Variants in OCLN observed in about 807,000 individuals in gnomAD.
The protein encoded by OCLN is phosphatase 1, regulatory subunit 115.
A neutral mutation model predicts 47.9 loss-of-function variants in OCLN; 21 were observed. The ratio of observed to expected loss-of-function variants is 0.44; its 90% CI spans 0.31 to 0.63. OCLN has a LOEUF of 0.63. OCLN is among the 30% of genes least tolerant of loss of function. The pLI is 0.08. For synonymous variants in OCLN, 117 were observed against 198.4 expected (o/e 0.59, Z 3.45); for missense variants, 360 against 571.0 (o/e 0.63, Z 3.77).
chr5:69,536,244 G>C (rs1264096738), intron 5 of OCLN, among the ~76,000 whole-genome samples: 4 of 150,852 alleles, frequency 2.7e-5, no homozygotes, highest in African/African-American at 4.9e-5. Context: ...TGAAGGCCTA[G>C]GACATTACTG....
intron 2 of OCLN, among the ~76,000 whole-genome samples, chr5:69,504,626 A>G (rs766880938): frequency 7.2e-5 from 11 of 152,184 alleles, no homozygotes; most frequent in African/African-American, 1.2e-4. Flanking sequence ...TTGGGAACAT[A>G]TTGTCAGTTT....
At chr5:69,497,007 A>G (rs563372828) in intron 1 of OCLN, among the ~76,000 whole-genome samples, 110 of 152,292 alleles carry the variant, frequency 7.2e-4, no homozygotes, top group African/African-American at 2.6e-3. Context: ...TGTGCTGGGC[A>G]TTGGTCCTCT....
At chr5:69,504,156 A>T (rs893407856) in intron 1 of OCLN, 21 bp from the exon 2 acceptor site, 2 of 886,474 alleles carry the variant, frequency 2.3e-6, no homozygotes, top group African/African-American at 3.3e-5. Context: ...GTAATGCCAT[A>T]ACTCTACTTT....
At chr5:69,514,140 T>C (rs758214428) in intron 4 of OCLN, 31 bp downstream of exon 4, 2 of 1,591,488 alleles carry the variant, frequency 1.3e-6, no homozygotes, top group Non-Finnish European at 8.6e-7. Flanking sequence ...TTACATCTTT[T>C]ATTAAAGCCC....
chr5:69,493,664 G>C lies in OCLN; in HGVS notation c.-69+764G>C, dbSNP rs1483678026. The stretch of plus-strand genomic sequence containing the variant: ...AACTGCCTCCGGGCGGTGCCTGCCC[G>C]GCGAACGTGGGCGCGCGCTGCCTGG... On this transcript the variant is annotated intron_variant, in intron 1 of 8. Transcript: ENST00000396442. This position sits in a 1 kb window ranked among gnomAD's most constrained non-coding sequence, Gnocchi z 5.3. Among the ~76,000 whole-genome samples the C allele has an allele frequency of 1.3e-5, 2 of 152,248 alleles. No homozygotes were observed. The highest frequency in any genetic ancestry group is 3.9e-4 in the East Asian group (2 of 5,166).
intron 4 of OCLN, among the ~76,000 whole-genome samples, chr5:69,519,951 A>G (rs528886381): frequency 1.7e-4 from 26 of 152,182 alleles, no homozygotes; most frequent in African/African-American, 6.0e-4. Context: ...CAACTGTATA[A>G]AGTAATTTTT....
intron 4 of OCLN, among the ~76,000 whole-genome samples, chr5:69,515,253 C>G (rs1201612016): frequency 7.0e-6 from 1 of 143,350 alleles, no homozygotes; most frequent in African/African-American, 2.6e-5. Context: ...CCTAACCTCC[C>G]GGATGGGGCG....
intron 5 of OCLN, among the ~76,000 whole-genome samples, chr5:69,538,295 C>T (rs1412738015): frequency 2.7e-5 from 4 of 150,262 alleles, no homozygotes; most frequent in Admixed American, 1.3e-4. Flanking sequence ...TTTGTTACTT[C>T]GAAGTGTTTT....
At chr5:69,517,915 G>A (rs1168531303) in intron 4 of OCLN, among the ~76,000 whole-genome samples, 3 of 152,154 alleles carry the variant, frequency 2.0e-5, no homozygotes, top group Non-Finnish European at 4.4e-5. Context: ...TGAAGTAAAT[G>A]TTTCGCTGAG....
In OCLN at chr5:69,509,223, T is replaced by C; in HGVS notation, c.133T>C (p.Ser45Pro). 6.2e-7 allele frequency: 1 copy of C among 1,614,170 alleles called. No individual in the cohort carries two copies. The highest frequency in any genetic ancestry group is 8.5e-7 in the Non-Finnish European group (1 of 1,179,994). Residue 45 changes from serine (S) to proline (P), a missense_variant, in exon 3 of 9, where the codon TCT (serine) becomes CCT (proline). Ser to Pro is a moderately conservative substitution (Grantham distance 74). This residue lies in a region of OCLN where 314 missense variants were observed against 368.1 expected (regional missense o/e 0.85). Transcript: ENST00000396442. ...ACCAATGCTCTCTCAGCCAGCCTAC[T>C]CTTTTTACCCAGAAGATGAAATTCT... ...VRPMLSQPAYSFYPEDEILHF... is the reference protein window; with the variant it reads ...VRPMLSQPAYPFYPEDEILHF...
At chr5:69,548,360 C>A (rs1373284644) in intron 7 of OCLN, among the ~76,000 whole-genome samples, 1 of 147,998 alleles carries the variant, frequency 6.8e-6, no homozygotes, top group Non-Finnish European at 1.5e-5. Flanking sequence ...GTTGCCCAGG[C>A]TGGAGTGCAG....
intron 4 of OCLN, among the ~76,000 whole-genome samples, chr5:69,529,440 T>C (rs1262975963): frequency 6.6e-6 from 1 of 152,188 alleles, no homozygotes; most frequent in Non-Finnish European, 1.5e-5. Flanking sequence ...TTTAAAATAA[T>C]ATTTCATTTT....
In OCLN at chr5:69,555,638, T is replaced by G. The variant is rs1463405115; in HGVS notation, c.*1967T>G. ...ATTTTAAATGTTTCCATTATATCAC[T>G]GATTTATTTCTGCAAATTGAATAAA... On this transcript the variant is annotated 3_prime_UTR_variant, in exon 9 of 9. Transcript: ENST00000396442. 6.6e-6 allele frequency: 1 copy of G among 152,114 alleles called. No individual in the cohort carries two copies. 9.4% of individuals were successfully genotyped at this position (152,114 alleles called of 1,614,324 possible).
intron 7 of OCLN, among the ~76,000 whole-genome samples, chr5:69,549,543 T>C (rs2112090976): frequency 6.8e-6 from 1 of 146,210 alleles, no homozygotes; most frequent in East Asian, 2.0e-4. Flanking sequence ...TCTTCCTGTC[T>C]TTTAAATCAA....
At chr5:69,505,158 G>C (rs1768564396) in intron 2 of OCLN, among the ~76,000 whole-genome samples, 1 of 152,276 alleles carries the variant, frequency 6.6e-6, no homozygotes, top group East Asian at 1.9e-4. Flanking sequence ...GCTGAGACAG[G>C]AGAATCGCTT....
intron 4 of OCLN, among the ~76,000 whole-genome samples, chr5:69,529,497 T>G (rs1769372049): frequency 6.6e-6 from 1 of 152,256 alleles, no homozygotes; most frequent in South Asian, 2.1e-4. Flanking sequence ...AGAATCTTAA[T>G]AAAATTTCCC....
intron 3 of OCLN, among the ~76,000 whole-genome samples, chr5:69,513,651 T>G (rs967322032): frequency 2.0e-5 from 3 of 151,824 alleles, no homozygotes; most frequent in Admixed American, 2.0e-4. Flanking sequence ...TTGGAACTAG[T>G]TTTTTACAGC....
chr5:69,495,243 G>A (rs1768257801), intron 1 of OCLN, among the ~76,000 whole-genome samples: 1 of 152,122 alleles, frequency 6.6e-6, no homozygotes, highest in South Asian at 2.1e-4. Flanking sequence ...AACAGACCAT[G>A]CAGATTTATG....
At chr5:69,509,089 C>T in intron 2 of OCLN, 52 bp from the exon 3 acceptor site, 1 of 1,457,850 alleles carries the variant, frequency 6.9e-7, no homozygotes, top group South Asian at 1.1e-5. Flanking sequence ...TGTGTTCTTT[C>T]TGCTTACTAC....
Sources: allele counts gnomAD v4.1 joint callset (sites outside exome capture counted in the v4.1 genomes callset), GRCh38; gene constraint gnomAD v4.1.1; regional missense constraint gnomAD v4.1.1; non-coding constraint Gnocchi (gnomAD v3.1); transcripts MANE v1.5; gene names NCBI Gene and HGNC (gene_info 2026-07-23, HGNC 2026-07-21).